Variants in MYORG observed in about 807,000 individuals in gnomAD.
The protein encoded by MYORG is alpha-galactosidase MYORG.
A neutral mutation model predicts 49.8 loss-of-function variants in MYORG; 45 were observed. The observed-to-expected ratio is 0.90, with a 90% CI of 0.71 to 1.16. The LOEUF (loss-of-function observed/expected upper bound fraction) is 1.16. Ranked by LOEUF, MYORG falls within the 50% of genes most tolerant of loss-of-function variation. The probability of loss-of-function intolerance (pLI) is 0.00; values close to 1 mark genes in which losing one functional copy is unlikely to be tolerated. For missense variants in MYORG, 1,110 were observed against 1,026.5 expected, an observed-to-expected ratio of 1.08 and a Z score of -1.11; for synonymous variants, 552 against 462.9, an observed-to-expected ratio of 1.19 and a Z score of -2.47.
chr9:34,373,103 T>C (rs1820667284), intron 1 of MYORG, 97 bp from the exon 2 acceptor site: 1 of 869,214 alleles, frequency 1.2e-6, no homozygotes, highest in African/African-American at 1.7e-5. Context: ...TTTGGGAAGA[T>C]GAATACTGGA....
chr9:34,371,313 A>G lies in MYORG; in HGVS notation c.1631T>C (p.Leu544Pro), dbSNP rs779953134. 6.2e-7 allele frequency: 1 copy of G among 1,612,138 alleles called. No individual in the cohort carries two copies. Among genetic ancestry groups the G allele is most frequent in the Non-Finnish European group, 8.5e-7 (1 of 1,179,446 alleles). The change falls in exon 2 of 2, where the codon CTG becomes CCG. Residue 544 changes from leucine to proline, a missense_variant. Coordinates refer to ENST00000297625, the MANE Select transcript of MYORG (RefSeq NM_020702.5). ...LIPAVLTVSM[L>P]GYPFILPDMV... ...ATCGGGTAGGATGAATGGGTAGCCC[A>G]GCATGCTGACGGTGAGCACCGCGGG...
chr9:34,372,354 G>A lies in MYORG; in HGVS notation c.590C>T (p.Pro197Leu), dbSNP rs1172108735. ...CTCCTGCTGGCCATCCAGGCGGATG[G>A]GCCAGTGTTGCGTCCTCATCTCGGC... ...GGAEMRTQHW[P>L]IRLDGQQEPQ... Residue 197 changes from proline to leucine, a missense_variant, in exon 2 of 2, where the codon CCC (proline) becomes CTC (leucine). Transcript: ENST00000297625. The A allele has an allele frequency of 1.3e-6, 2 of 1,597,568 alleles. No homozygotes were observed. Among genetic ancestry groups the A allele is most frequent in the South Asian group, 2.3e-5 (2 of 88,840 alleles).
rs745718895 is a variant in MYORG, at chr9:34,371,448, GAGA to G, written c.1493_1495del (p.Phe498del). ...GTAGCCTACGCGCACCTCCGCCAGC[GAGA>G]AGAAGGGCAGCGCCATCTCAGTGTA... is the stretch of plus-strand genomic sequence containing the variant. On this transcript the variant is annotated inframe_deletion, in exon 2 of 2. Coordinates refer to ENST00000297625, the MANE Select transcript of MYORG (RefSeq NM_020702.5). 2.2e-5 allele frequency: 35 copies of G among 1,612,846 alleles called. No homozygotes were observed. The highest frequency in any genetic ancestry group is 1.0e-4 in the Admixed American group (6 of 60,008).
chr9:34,367,349 CA>C lies in MYORG; in HGVS notation c.*3449del, dbSNP rs1479777125. ...CATGTCCTCTCATTTAAAAATCAATCATGCCTTCCCAACAGTCCCCCAAAGT... is the reference window on the plus strand; with the variant it reads ...CATGTCCTCTCATTTAAAAATCAATCTGCCTTCCCAACAGTCCCCCAAAGT... On this transcript the variant is annotated 3_prime_UTR_variant, in exon 2 of 2. Transcript: ENST00000297625. The C allele has an allele frequency of 6.6e-6, 1 of 152,180 alleles. No homozygotes were observed. Among genetic ancestry groups the C allele is most frequent in the African/African-American group, 2.4e-5 (1 of 41,446 alleles). The allele number at this position is 152,180 out of a possible 1,614,324, so 9.4% of individuals were successfully genotyped here.
rs1198325698 is a variant in MYORG at position 34,370,751 on chromosome 9, G to C, written c.*48C>G. The C allele has an allele frequency of 6.6e-7, 1 of 1,514,372 alleles. No homozygotes were observed. The highest frequency in any genetic ancestry group is 8.9e-7 in the Non-Finnish European group (1 of 1,125,848). 93.8% of individuals were successfully genotyped at this position (1,514,372 alleles called of 1,614,324 possible). A position where few individuals can be genotyped will look rare whatever the true frequency, so the allele number is the denominator to read the frequency against. On this transcript the variant is annotated 3_prime_UTR_variant, in exon 2 of 2. Coordinates refer to ENST00000297625, the MANE Select transcript of MYORG (RefSeq NM_020702.5). ...GTGCGGGTGTGACGGAGGGTTCAAG[G>C]TCTGCATGAAGACTGGGGGCTTTGC...
chr9:34,372,560 A>T lies in MYORG; in HGVS notation c.384T>A (p.Asp128Glu). The T allele has an allele frequency of 6.2e-7, 1 of 1,602,120 alleles. No homozygotes were observed. ...GALDLDSCSR[D>E]GALLGCSLTA... ...TGAGCGAGCAGCCCAGCAGGGCGCC[A>T]TCGCGGCTGCAGGAGTCAAGGTCCA... Residue 128 changes from aspartate (D) to glutamate (E), a missense_variant, in exon 2 of 2, where the codon GAT (aspartate) becomes GAA (glutamate). Coordinates refer to ENST00000297625, the MANE Select transcript of MYORG (RefSeq NM_020702.5).
intron 1 of MYORG, among the ~76,000 whole-genome samples, chr9:34,373,374 G>C (rs971449404): frequency 6.6e-6 from 1 of 152,142 alleles, no homozygotes; most frequent in South Asian, 2.1e-4. Flanking sequence ...TGAAGAGACG[G>C]GAAAGGAACT....
chr9:34,370,884 C>G lies in MYORG; in HGVS notation c.2060G>C (p.Gly687Ala), dbSNP rs776996517. The change falls in exon 2 of 2, where the codon GGT (glycine) becomes GCT (alanine). Residue 687 changes from glycine to alanine, a missense_variant. Transcript: ENST00000297625. ...CACCGGCGTCTTGTCGAAAAGCTCACCCTTGTAGCTGCGCCACTTGCCGGC... is the reference window on the plus strand; with the variant it reads ...CACCGGCGTCTTGTCGAAAAGCTCAGCCTTGTAGCTGCGCCACTTGCCGGC... The part of the protein sequence containing the change: ...LPAGKWRSYK[G>A]ELFDKTPVLL... The G allele has an allele frequency of 1.2e-6, 2 of 1,613,202 alleles. No homozygotes were observed. Among genetic ancestry groups the G allele is most frequent in the Non-Finnish European group, 1.7e-6 (2 of 1,179,366 alleles).
chr9:34,370,978 T>C lies in MYORG; in HGVS notation c.1966A>G (p.Ile656Val). ...GGGGCCACAAGCAGCGTGTCCCCAATAAGGAACTGCGAGTCGATACGGTGA... is the reference window on the plus strand; with the variant it reads ...GGGGCCACAAGCAGCGTGTCCCCAACAAGGAACTGCGAGTCGATACGGTGA... The part of the protein sequence containing the change: ...TAHRIDSQFL[I>V]GDTLLVAPVL... The change falls in exon 2 of 2, where the codon ATT becomes GTT. Residue 656 changes from isoleucine (I) to valine (V), a missense_variant. By Grantham distance (29) the Ile-to-Val change is conservative (BLOSUM62 3). Transcript: ENST00000297625. The C allele has an allele frequency of 6.2e-7, 1 of 1,613,482 alleles. No homozygotes were observed. Among genetic ancestry groups the C allele is most frequent in the Non-Finnish European group, 8.5e-7 (1 of 1,179,840 alleles).
chr9:34,372,071 G>C lies in MYORG; in HGVS notation c.873C>G (p.Ser291=). The C allele has an allele frequency of 6.2e-7, 1 of 1,613,726 alleles. No homozygotes were observed. Among genetic ancestry groups the C allele is most frequent in the Non-Finnish European group, 8.5e-7 (1 of 1,179,868 alleles). The stretch of plus-strand genomic sequence containing the variant: ...AGCGACGCACCATGTACTTGTGGAT[G>C]GAGGTGACGTCTGAGCCCACGCACA... ...YRVCVGSDVT[S]IHKYMVRRYF... is the part of the protein sequence containing the mutation. The change falls in exon 2 of 2, where the codon TCC becomes TCG. Residue 291 remains serine (S), a synonymous_variant. Coordinates refer to ENST00000297625, the MANE Select transcript of MYORG (RefSeq NM_020702.5).
At position 34,372,851 on chromosome 9, in the gene MYORG, T is replaced by A; in HGVS notation, c.93A>T (p.Ala31=). Residue 31 remains alanine (A), a synonymous_variant, in exon 2 of 2, where the codon GCA becomes GCT. Coordinates refer to ENST00000297625, the MANE Select transcript of MYORG (RefSeq NM_020702.5). ...GCAGGAAGGTGTACATAGCTGCGGCTGCGATGGCCTCGGGGTTCTGACGGT... is the reference window on the plus strand; with the variant it reads ...GCAGGAAGGTGTACATAGCTGCGGCAGCGATGGCCTCGGGGTTCTGACGGT... ...YAYRQNPEAI[A]AAAMYTFLPD... 6.2e-7 allele frequency: 1 copy of A among 1,613,990 alleles called. No individual in the cohort carries two copies. Among genetic ancestry groups the A allele is most frequent in the Non-Finnish European group, 8.5e-7 (1 of 1,179,886 alleles).
intron 1 of MYORG, among the ~76,000 whole-genome samples, chr9:34,373,928 AG>A (rs1820682246): frequency 6.6e-6 from 1 of 152,202 alleles, no homozygotes; most frequent in African/African-American, 2.4e-5. Context: ...CCTGGTTTGG[AG>A]GGAGGTAGAG....
Position 34,372,016 on chromosome 9 carries a change from G to C in MYORG, c.928C>G (p.Pro310Ala), listed in dbSNP as rs202003652. ...YFNKPSRVPA[P>A]EAFRDPIWST... ...CAAATGGGGTCTCGGAAGGCCTCGG[G>C]TGCTGGCACCCTTGACGGCTTGTTG... Residue 310 changes from proline to alanine, a missense_variant, in exon 2 of 2, where the codon CCC (proline) becomes GCC (alanine). Coordinates refer to ENST00000297625, the MANE Select transcript of MYORG (RefSeq NM_020702.5). 6.2e-7 allele frequency: 1 copy of C among 1,613,906 alleles called. No homozygotes were observed. Among genetic ancestry groups the C allele is most frequent in the Non-Finnish European group, 8.5e-7 (1 of 1,179,896 alleles).
rs974220563 is a variant in MYORG at position 34,367,930 on chromosome 9, C to T, written c.*2869G>A. 1 of 152,232 alleles carries T rather than the reference C, an allele frequency of 6.6e-6. No homozygotes were observed. Among genetic ancestry groups the T allele is most frequent in the East Asian group, 1.9e-4 (1 of 5,202 alleles). The allele number at this position is 152,232 out of a possible 1,614,324, so 9.4% of individuals were successfully genotyped here. On this transcript the variant is annotated 3_prime_UTR_variant, in exon 2 of 2. Transcript: ENST00000297625. ...CCTTAACAGAGGTTCTCCATGAGGG[C>T]CTCACTCCTGTAGCAAACTTCTGCC...
chr9:34,374,336 A>C (rs1045642457), intron 1 of MYORG, among the ~76,000 whole-genome samples: 2 of 152,178 alleles, frequency 1.3e-5, no homozygotes, highest in African/African-American at 4.8e-5. Flanking sequence ...TCCATGATGA[A>C]ATTTAAAAGT....
In MYORG at chr9:34,371,355, C is replaced by G. The variant is rs772605360; in HGVS notation, c.1589G>C (p.Gly530Ala). 10 of 1,612,924 alleles carry G rather than the reference C, an allele frequency of 6.2e-6. No homozygotes were observed. In the East Asian group the frequency reaches 2.2e-4, roughly 36 times the overall value. ...DRDSVWGYDL[G>A]LRSLIPAVLT... ...CACCGCGGGGATGAGTGAGCGCAAC[C>G]CCAGGTCGTAGCCCCACACAGAGTC... is the stretch of plus-strand genomic sequence containing the variant. Residue 530 changes from glycine to alanine, a missense_variant, in exon 2 of 2, where the codon GGG becomes GCG. By Grantham distance (60) the Gly-to-Ala change is moderately conservative. Transcript: ENST00000297625.
rs1820577548 is a variant in MYORG, at chr9:34,370,809, C to T, written c.2135G>A (p.Trp712Ter). Reference protein sequence around the residue: ...VDLDEIAYFTWAS With the variant: ...VDLDEIAYFT ...GGGCCCTGGGCTGGGTCAGGACGCC[C>T]AGGTAAAGTAGGCGATCTCATCCAG... Residue 712 changes from tryptophan to a stop codon, truncating the protein, a stop_gained, in exon 2 of 2, where the codon TGG becomes TAG. Coordinates refer to ENST00000297625, the MANE Select transcript of MYORG (RefSeq NM_020702.5). LOFTEE classifies it high-confidence loss of function. The T allele has an allele frequency of 6.3e-7, 1 of 1,578,060 alleles. No homozygotes were observed. Among genetic ancestry groups the T allele is most frequent in the East Asian group, 2.3e-5 (1 of 44,236 alleles).
rs999493661 is a variant in MYORG, at chr9:34,369,081, A to G, written c.*1718T>C. ...TCAGCTCTCATGAGATCTATTCACTATCACCAGAACAGTATGGCGGAAACT... is the reference window on the plus strand; with the variant it reads ...TCAGCTCTCATGAGATCTATTCACTGTCACCAGAACAGTATGGCGGAAACT... On this transcript the variant is annotated 3_prime_UTR_variant, in exon 2 of 2. Coordinates refer to ENST00000297625, the MANE Select transcript of MYORG (RefSeq NM_020702.5). The G allele has an allele frequency of 2.0e-5, 3 of 152,216 alleles. No individual in the cohort carries two copies. The highest frequency in any genetic ancestry group is 7.2e-5 in the African/African-American group (3 of 41,430). 9.4% of individuals were successfully genotyped at this position (152,216 alleles called of 1,614,324 possible).
rs1820613067 is a variant in MYORG, at chr9:34,371,968, G to T, written c.976C>A (p.Arg326Ser). The T allele has an allele frequency of 6.2e-7, 1 of 1,613,918 alleles. No homozygotes were observed. Among genetic ancestry groups the T allele is most frequent in the Non-Finnish European group, 8.5e-7 (1 of 1,179,898 alleles). Reference sequence around the variant, plus strand: ...AGCACCTTGTCCTGGTCCACGGCGCGCCCGTACAGCGCCCATGTGGACCAA... The same window carrying T: ...AGCACCTTGTCCTGGTCCACGGCGCTCCCGTACAGCGCCCATGTGGACCAA... ...PIWSTWALYG[R>S]AVDQDKVLRF... Residue 326 changes from arginine (R) to serine (S), a missense_variant, in exon 2 of 2, where the codon CGC becomes AGC. Transcript: ENST00000297625.
Sources: gnomAD v4.1 joint callset for allele counts (sites outside exome capture counted in the v4.1 genomes callset) on GRCh38, gnomAD v4.1.1 for gene constraint, MANE v1.5 for transcripts, NCBI Gene and HGNC (gene_info 2026-07-23, HGNC 2026-07-21) for gene names.